MAPK7: variants seen among roughly 807,000 people sequenced by gnomAD.
The protein encoded by MAPK7 is mitogen-activated protein kinase 7.
MAPK7 carries 30 observed loss-of-function variants against 56.9 expected under a neutral mutation model. The ratio of observed to expected loss-of-function variants is 0.53; its 90% confidence interval spans 0.39 to 0.72. The LOEUF (loss-of-function observed/expected upper bound fraction) is 0.72, where lower values mean the gene tolerates loss of function less well. MAPK7 is among the 30% of genes least tolerant of loss of function. The pLI, the probability that MAPK7 is intolerant of heterozygous loss-of-function variation, is 0.00. For missense variants in MAPK7, 952 were observed against 1,110.8 expected, an observed-to-expected ratio of 0.86 and a Z score of 2.03; for synonymous variants, 516 against 449.3, an observed-to-expected ratio of 1.15 and a Z score of -1.88.
Position 19,381,186 on chromosome 17 carries a change from G to T in MAPK7, c.977G>T (p.Arg326Leu). 6.2e-7 allele frequency: 1 copy of T among 1,614,088 alleles called. No homozygotes were observed. Among genetic ancestry groups the T allele is most frequent in the Non-Finnish European group, 8.5e-7 (1 of 1,180,036 alleles). Residue 326 changes from arginine (R) to leucine (L), a missense_variant, in exon 4 of 7, where the codon CGC becomes CTC. Physicochemically the swap from Arg to Leu is moderately radical, Grantham distance 102. Coordinates refer to ENST00000395604, the MANE Select transcript of MAPK7 (RefSeq NM_002749.4). The surrounding 1 kb of genome is among the most constrained non-coding windows in gnomAD (Gnocchi z 4.6). Reference sequence around the variant, plus strand: ...CGCCAGGCCCTATCACTGCTGGGTCGCATGCTGCGTTTTGAGCCCAGCGCT... The same window carrying T: ...CGCCAGGCCCTATCACTGCTGGGTCTCATGCTGCGTTTTGAGCCCAGCGCT... ...ADRQALSLLG[R>L]MLRFEPSARI...
At chr17:19,377,805 T>TGCAGCCC, upstream of MAPK7, 1 of 982,204 alleles carries the variant, frequency 1.0e-6, no homozygotes, top group Admixed American at 6.1e-5. Flanking sequence ...TTAACTCCGC[T>TGCAGCCC]GCAGCCCAAA....
In MAPK7 at chr17:19,381,094, G is replaced by T. The variant is rs1912614954; in HGVS notation, c.885G>T (p.Arg295=). The T allele has an allele frequency of 6.2e-7, 1 of 1,614,038 alleles. No individual in the cohort carries two copies. Among genetic ancestry groups the T allele is most frequent in the Non-Finnish European group, 8.5e-7 (1 of 1,180,034 alleles). The change falls in exon 4 of 7, where the codon CGG becomes CGT. Residue 295 remains arginine, a synonymous_variant. Transcript: ENST00000395604. The surrounding 1 kb of genome is among the most constrained non-coding windows in gnomAD (Gnocchi z 4.6). ...VIQAVGAERV[R]AYIQSLPPRQ... is the part of the protein sequence containing the mutation. ...AGGCTGTGGGGGCTGAGAGGGTGCG[G>T]GCCTATATCCAGAGCTTGCCACCAC...
rs1340547974 is a variant in MAPK7 at position 19,380,668 on chromosome 17, C to T, written c.459C>T (p.Pro153=). ...DLHQIIHSSQ[P]LTLEHVRYFL... ...ACCAGATCATCCACTCCTCACAGCC[C>T]CTCACACTGGAACACGTGCGCTACT... Residue 153 remains proline (P), a synonymous_variant, in exon 4 of 7, where the codon CCC becomes CCT. Transcript: ENST00000395604. 1 of 1,613,690 alleles carries T rather than the reference C, an allele frequency of 6.2e-7. No homozygotes were observed. Among genetic ancestry groups the T allele is most frequent in the Non-Finnish European group, 8.5e-7 (1 of 1,179,754 alleles).
At chr17:19,379,456 A>C in intron 2 of MAPK7, 1 of 555,222 alleles carries the variant, frequency 1.8e-6, no homozygotes, top group South Asian at 2.2e-5. Context: ...TGGTGGTGGG[A>C]TGGGTGAGGT....
Position 19,381,031 on chromosome 17 carries a change from C to T in MAPK7, c.822C>T (p.Ile274=), listed in dbSNP as rs1327583863. The T allele has an allele frequency of 2.5e-6, 4 of 1,614,036 alleles. No individual in the cohort carries two copies. Among genetic ancestry groups the T allele is most frequent in the Non-Finnish European group, 2.5e-6 (3 of 1,180,040 alleles). ...ACTATGTACACCAGCTACAGCTCAT[C>T]ATGATGGTGCTGGGTACCCCATCAC... ...GKNYVHQLQL[I]MMVLGTPSPA... The change falls in exon 4 of 7, where the codon ATC becomes ATT. Residue 274 remains isoleucine (I), a synonymous_variant. Coordinates refer to ENST00000395604, the MANE Select transcript of MAPK7 (RefSeq NM_002749.4). The surrounding 1 kb of genome is among the most constrained non-coding windows in gnomAD (Gnocchi z 4.6).
chr17:19,380,636 G>T lies in MAPK7; in HGVS notation c.427G>T (p.Asp143Tyr). 1 of 1,607,264 alleles carries T rather than the reference G, an allele frequency of 6.2e-7. No individual in the cohort carries two copies. The highest frequency in any genetic ancestry group is 8.5e-7 in the Non-Finnish European group (1 of 1,174,704). Residue 143 changes from aspartate to tyrosine, a missense_variant, in exon 4 of 7, where the codon GAC becomes TAC. Asp to Tyr is a radical substitution (Grantham distance 160). Transcript: ENST00000395604. ...VYVVLDLMES[D>Y]LHQIIHSSQP... ...CGTGGTCCTGGACCTGATGGAAAGC[G>T]ACCTGCACCAGATCATCCACTCCTC...
At position 19,383,251 on chromosome 17, in the gene MAPK7, G is replaced by A; in HGVS notation, c.*20G>A. 1.2e-6 allele frequency: 2 copies of A among 1,612,700 alleles called. No homozygotes were observed. Among genetic ancestry groups the A allele is most frequent in the South Asian group, 1.1e-5 (1 of 90,924 alleles). Reference sequence around the variant, plus strand: ...CCCTGAGGCCCCCAGCCTGTGCCTTGCTGCCACAGTAGACCTAGTTCCAGG... The same window carrying A: ...CCCTGAGGCCCCCAGCCTGTGCCTTACTGCCACAGTAGACCTAGTTCCAGG... On this transcript the variant is annotated 3_prime_UTR_variant, in exon 7 of 7. Coordinates refer to ENST00000395604, the MANE Select transcript of MAPK7 (RefSeq NM_002749.4).
Position 19,379,811 on chromosome 17 carries a change from A to C in MAPK7, c.262A>C (p.Asn88His). ...GCAGGTGGCCATCAAGAAGATCCCT[A>C]ATGCTTTCGATGTGGTGACCAATGC... ...GQQVAIKKIPNAFDVVTNAKR... is the reference protein window; with the variant it reads ...GQQVAIKKIPHAFDVVTNAKR... The change falls in exon 3 of 7, where the codon AAT becomes CAT. Residue 88 changes from asparagine (N) to histidine (H), a missense_variant. Coordinates refer to ENST00000395604, the MANE Select transcript of MAPK7 (RefSeq NM_002749.4). The C allele has an allele frequency of 6.2e-7, 1 of 1,614,174 alleles. No homozygotes were observed. The highest frequency in any genetic ancestry group is 8.5e-7 in the Non-Finnish European group (1 of 1,180,030).
At position 19,379,717 on chromosome 17, in the gene MAPK7, G is replaced by A. The variant is rs988435786; in HGVS notation, c.233-65G>A. On this transcript the variant is annotated intron_variant, in intron 2 of 6. Coordinates refer to ENST00000395604, the MANE Select transcript of MAPK7 (RefSeq NM_002749.4). ...ATCCTAGAAGGGAGGTGTTGATAGG[G>A]GCTGAGTCGACTCTGCAGTTTCTCC... is the stretch of plus-strand genomic sequence containing the variant. 3 of 1,493,250 alleles carry A rather than the reference G, an allele frequency of 2.0e-6. No individual in the cohort carries two copies. The African/African-American group carries it at 4.1e-5, about 21-fold the overall frequency. The allele number at this position is 1,493,250 out of a possible 1,614,324, so 92.5% of individuals were successfully genotyped here.
At chr17:19,378,141 C>T, upstream of MAPK7, 1 of 977,102 alleles carries the variant, frequency 1.0e-6, no homozygotes, top group Non-Finnish European at 1.2e-6. The surrounding 1 kb of genome is among the most constrained non-coding windows in gnomAD (Gnocchi z 5.4). Context: ...CCGGGCAGTT[C>T]CCCGAGCTCA....
At chr17:19,379,161 A>G (rs756614601) in intron 2 of MAPK7, 29 bp downstream of exon 2, 1 of 1,596,606 alleles carries the variant, frequency 6.3e-7, no homozygotes, top group East Asian at 2.2e-5. Context: ...CGCCTCCCAG[A>G]TGTGGCAGCG....
chr17:19,380,364 A>G, intron 3 of MAPK7: 1 of 1,084,034 alleles, frequency 9.2e-7, no homozygotes, highest in Non-Finnish European at 1.2e-6. Flanking sequence ...GGTGTAGTCC[A>G]ACCCCATCTT....
In MAPK7 at chr17:19,380,620, G is replaced by A. The variant is rs769554480; in HGVS notation, c.411G>A (p.Leu137=). 4.4e-6 allele frequency: 7 copies of A among 1,602,488 alleles called. No individual in the cohort carries two copies. The East Asian group carries it at 1.3e-4, about 31-fold the overall frequency. ...YGEFKSVYVV[L]DLMESDLHQI... Reference sequence around the variant, plus strand: ...CTTCCCCTTCCAGCTACGTGGTCCTGGACCTGATGGAAAGCGACCTGCACC... The same window carrying A: ...CTTCCCCTTCCAGCTACGTGGTCCTAGACCTGATGGAAAGCGACCTGCACC... Residue 137 remains leucine (L), a synonymous_variant, in exon 4 of 7, where the codon CTG becomes CTA. Coordinates refer to ENST00000395604, the MANE Select transcript of MAPK7 (RefSeq NM_002749.4).
At position 19,380,993 on chromosome 17, in the gene MAPK7, T is replaced by C. The variant is rs1448090508; in HGVS notation, c.784T>C (p.Phe262Leu). The change falls in exon 4 of 7, where the codon TTC becomes CTC. Residue 262 changes from phenylalanine (F) to leucine (L), a missense_variant. Coordinates refer to ENST00000395604, the MANE Select transcript of MAPK7 (RefSeq NM_002749.4). ...TGAGATGCTGGCCCGGCGCCAGCTC[T>C]TCCCAGGCAAAAACTATGTACACCA... ...FGEMLARRQL[F>L]PGKNYVHQLQ... is the part of the protein sequence containing the mutation. 1 of 1,614,192 alleles carries C rather than the reference T, an allele frequency of 6.2e-7. No homozygotes were observed. The highest frequency in any genetic ancestry group is 1.7e-5 in the Admixed American group (1 of 60,034).
intron 3 of MAPK7, chr17:19,380,271 T>C: frequency 2.0e-6 from 1 of 493,618 alleles, no homozygotes; most frequent in Non-Finnish European, 3.5e-6. Context: ...TGGACAAGCC[T>C]GGTCAATTTT....
intron 2 of MAPK7, 142 bp from the exon 3 acceptor site, chr17:19,379,640 C>T (rs1412262548): frequency 2.8e-6 from 2 of 709,616 alleles, no homozygotes; most frequent in South Asian, 1.8e-5. Context: ...ATGCTTAGCA[C>T]AGGGCTTGGC....
rs897457045 is a variant in MAPK7 at position 19,381,408 on chromosome 17, G to T, written c.1199G>T (p.Arg400Leu). Reference sequence around the variant, plus strand: ...CGTGAGGGCATCCGCCAACAGATCCGCTTCCAGCCTTCTCTACAGCCTGTG... The same window carrying T: ...CGTGAGGGCATCCGCCAACAGATCCTCTTCCAGCCTTCTCTACAGCCTGTG... ...ARREGIRQQI[R>L]FQPSLQPVAS... Residue 400 changes from arginine to leucine, a missense_variant, in exon 4 of 7, where the codon CGC becomes CTC. Arg to Leu is a moderately radical substitution (Grantham distance 102). Coordinates refer to ENST00000395604, the MANE Select transcript of MAPK7 (RefSeq NM_002749.4). This position sits in a 1 kb window ranked among gnomAD's most constrained non-coding sequence, Gnocchi z 4.6. 1.2e-6 allele frequency: 2 copies of T among 1,614,082 alleles called. No homozygotes were observed. The highest frequency in any genetic ancestry group is 2.7e-5 in the African/African-American group (2 of 74,936).
Position 19,383,098 on chromosome 17 carries a change from T to C in MAPK7, c.2318T>C (p.Leu773Pro). 6.2e-7 allele frequency: 1 copy of C among 1,614,108 alleles called. No homozygotes were observed. ...TGCAGCCAGGCAGATTCAGCCTCTCTCTCAGCCTCCCTGCTTGCTGACTGG... is the reference window on the plus strand; with the variant it reads ...TGCAGCCAGGCAGATTCAGCCTCTCCCTCAGCCTCCCTGCTTGCTGACTGG... ...PQDGQADSASLSASLLADWLE... is the reference protein window; with the variant it reads ...PQDGQADSASPSASLLADWLE... The change falls in exon 7 of 7, where the codon CTC becomes CCC. Residue 773 changes from leucine (L) to proline (P), a missense_variant. Leu to Pro is a moderately conservative substitution (Grantham distance 98). Around this residue, in one of 5 missense-constraint regions of MAPK7, gnomAD observed 73 missense variants for 104.6 expected, o/e 0.70. Transcript: ENST00000395604.
In MAPK7 at chr17:19,380,641, G is replaced by A. The variant is rs1443365040; in HGVS notation, c.432G>A (p.Leu144=). 3.7e-6 allele frequency: 6 copies of A among 1,610,200 alleles called. No homozygotes were observed. The highest frequency in any genetic ancestry group is 4.2e-6 in the Non-Finnish European group (5 of 1,177,020). Residue 144 remains leucine (L), a synonymous_variant, in exon 4 of 7, where the codon CTG becomes CTA. Coordinates refer to ENST00000395604, the MANE Select transcript of MAPK7 (RefSeq NM_002749.4). ...TCCTGGACCTGATGGAAAGCGACCTGCACCAGATCATCCACTCCTCACAGC... is the reference window on the plus strand; with the variant it reads ...TCCTGGACCTGATGGAAAGCGACCTACACCAGATCATCCACTCCTCACAGC... The part of the protein sequence containing the change: ...YVVLDLMESD[L]HQIIHSSQPL...
Sources: allele counts gnomAD v4.1 joint callset, GRCh38; gene constraint gnomAD v4.1.1; regional missense constraint gnomAD v4.1.1; non-coding constraint Gnocchi (gnomAD v3.1); transcripts MANE v1.5; gene names NCBI Gene and HGNC (gene_info 2026-07-23, HGNC 2026-07-21).